The following RANBP2 variants were observed in gnomAD, a reference collection of about 807,000 sequenced individuals.
The protein encoded by RANBP2 is RAN binding protein 2, also known as E3 SUMO-protein ligase RanBP2.
Under a neutral mutation model 303.6 loss-of-function variants are expected in RANBP2, and 57 were observed. The observed-to-expected ratio is 0.19, with a 90% CI of 0.15 to 0.23. RANBP2 has a LOEUF of 0.23. Among genes scored for constraint, RANBP2 ranks in the 10% least tolerant of loss-of-function variants. The pLI is 1.00. For missense variants in RANBP2, 3,138 were observed against 3,780.8 expected, an observed-to-expected ratio of 0.83 and a Z score of 4.46; for synonymous variants, 1,167 against 1,301.5, an observed-to-expected ratio of 0.90 and a Z score of 2.23.
chr2:109,534,712 G>T, the RANBP2 span, among the ~76,000 whole-genome samples: 1 of 152,048 alleles, frequency 6.6e-6, no homozygotes, highest in East Asian at 1.9e-4. Flanking sequence ...CCTGGGAGGC[G>T]GAGGTTGCAG....
At chr2:109,614,288 G>C in the RANBP2 span, 5 of 619,290 alleles carry the variant, frequency 8.1e-6, no homozygotes, top group South Asian at 4.2e-4. Context: ...TGGTGGCGTG[G>C]GCGCGGGGCG....
At chr2:109,549,070 G>T in the RANBP2 span, among the ~76,000 whole-genome samples, 2 of 152,142 alleles carry the variant, frequency 1.3e-5, no homozygotes, top group Non-Finnish European at 2.9e-5. Flanking sequence ...TTATTTAAAT[G>T]GTTCCTGCTT....
chr2:109,438,078 TA>T, the RANBP2 span, among the ~76,000 whole-genome samples: 6 of 152,244 alleles, frequency 3.9e-5, no homozygotes, highest in Admixed American at 1.3e-4. Flanking sequence ...TACTATTTCT[TA>T]GACTAACGAA....
the RANBP2 span, among the ~76,000 whole-genome samples, chr2:109,330,478 G>A: frequency 2.6e-5 from 4 of 151,808 alleles, no homozygotes; most frequent in Non-Finnish European, 4.4e-5. Context: ...TCTTCCTTAC[G>A]AACTTTGTAA....
the RANBP2 span, among the ~76,000 whole-genome samples, chr2:108,864,016 G>A: frequency 1.3e-5 from 2 of 152,250 alleles, no homozygotes; most frequent in South Asian, 4.1e-4. Context: ...CTGTTTCTAA[G>A]ATGAAAGGCT....
intron 25 of RANBP2, among the ~76,000 whole-genome samples, chr2:108,779,749 G>A (rs969306893): frequency 4.6e-5 from 7 of 152,234 alleles, no homozygotes; most frequent in East Asian, 3.9e-4. Context: ...GCAGGTATGC[G>A]AGAGTGAGAC....
the RANBP2 span, chr2:109,733,093 TAGG>T: frequency 1.8e-6 from 1 of 548,812 alleles, no homozygotes; most frequent in East Asian, 5.0e-5. Flanking sequence ...TTTCTGGAGT[TAGG>T]AGAAGAGAGA....
chr2:109,031,385 CCTT>C, the RANBP2 span, among the ~76,000 whole-genome samples: 8 of 152,270 alleles, frequency 5.3e-5, no homozygotes, highest in Middle Eastern at 3.4e-3. Context: ...CTTCCTCCAG[CCTT>C]CTTATAAGGT....
the RANBP2 span, among the ~76,000 whole-genome samples, chr2:108,887,200 G>GT: frequency 1.7e-4 from 6 of 35,104 alleles, no homozygotes; most frequent in African/African-American, 3.6e-4. Context: ...ATAAATATGT[G>GT]TCTTATTTCT....
At chr2:109,060,616 C>G in the RANBP2 span, among the ~76,000 whole-genome samples, 19 of 152,096 alleles carry the variant, frequency 1.2e-4, no homozygotes, top group Non-Finnish European at 2.8e-4. Flanking sequence ...TGCTGAAAAC[C>G]ACTGCAGTTA....
chr2:109,428,934 A>G, the RANBP2 span, among the ~76,000 whole-genome samples: 2 of 152,166 alleles, frequency 1.3e-5, no homozygotes, highest in Admixed American at 6.5e-5. Context: ...ACCCAGGTGC[A>G]TGTGTCTACG....
At chr2:109,715,534 A>C in the RANBP2 span, among the ~76,000 whole-genome samples, 1 of 152,194 alleles carries the variant, frequency 6.6e-6, no homozygotes, top group Admixed American at 6.5e-5. Context: ...GTGTGAGGAA[A>C]GGGCATGGAG....
chr2:109,578,462 T>C, the RANBP2 span, among the ~76,000 whole-genome samples: 3 of 152,116 alleles, frequency 2.0e-5, no homozygotes, highest in Admixed American at 6.6e-5. Flanking sequence ...AAATGGAGAT[T>C]AGAAATCTAC....
the RANBP2 span, among the ~76,000 whole-genome samples, chr2:109,667,527 C>T: frequency 6.6e-6 from 1 of 152,116 alleles, no homozygotes; most frequent in Non-Finnish European, 1.5e-5. Context: ...GGGAGCCCTT[C>T]CTCCTGGTTA....
the RANBP2 span, among the ~76,000 whole-genome samples, chr2:108,795,630 A>G: frequency 3.9e-5 from 6 of 152,246 alleles, no homozygotes; most frequent in African/African-American, 1.4e-4. Context: ...TGTAATTACC[A>G]TAGCATTTTA....
the RANBP2 span, chr2:109,546,203 T>C: frequency 6.2e-7 from 1 of 1,602,682 alleles, no homozygotes; most frequent in South Asian, 1.1e-5. Flanking sequence ...CTCTTCTTGG[T>C]GAAGTCTCTT....
the RANBP2 span, chr2:108,812,550 T>G: frequency 1.0e-6 from 1 of 988,026 alleles, no homozygotes; most frequent in East Asian, 2.4e-5. Flanking sequence ...ATCAACCAGA[T>G]TAGATAGTAG....
chr2:109,518,970 G>A, the RANBP2 span, among the ~76,000 whole-genome samples: 12 of 147,116 alleles, frequency 8.2e-5, no homozygotes, highest in African/African-American at 3.1e-4. Context: ...CCAGTCTGGA[G>A]TGCAGTCATG....
chr2:109,166,510 A>C, the RANBP2 span, among the ~76,000 whole-genome samples: 1 of 151,702 alleles, frequency 6.6e-6, no homozygotes, highest in South Asian at 2.1e-4. Flanking sequence ...TGTCAAGCTC[A>C]TTGGTAGTGT....
Sources: allele counts gnomAD v4.1 joint callset (sites outside exome capture counted in the v4.1 genomes callset), GRCh38; gene constraint gnomAD v4.1.1; transcripts MANE v1.5; gene names NCBI Gene and HGNC (gene_info 2026-07-23, HGNC 2026-07-21).